Variants in TMEM87A observed in about 807,000 individuals in gnomAD.
TMEM87A encodes transmembrane protein 87A.
Under a neutral mutation model 90.0 loss-of-function variants are expected in TMEM87A, and 50 were observed. The observed-to-expected ratio is 0.56, with a 90% CI of 0.44 to 0.70. The LOEUF is 0.70. Ranked by LOEUF, TMEM87A falls within the 30% of genes least tolerant of loss-of-function variation. The probability of loss-of-function intolerance (pLI) is 0.00; values close to 1 mark genes in which losing one functional copy is unlikely to be tolerated. For missense variants in TMEM87A, 577 were observed against 660.5 expected, an observed-to-expected ratio of 0.87 and a Z score of 1.39; for synonymous variants, 226 against 226.7, an observed-to-expected ratio of 1.00 and a Z score of 0.03.
chr15:42,264,397 A>G (rs1055479384), intron 3 of TMEM87A, among the ~76,000 whole-genome samples, 194 bp from the exon 4 acceptor site: 1 of 152,222 alleles, frequency 6.6e-6, no homozygotes, highest in Admixed American at 6.5e-5. Context: ...AAGGACTATT[A>G]GACTCTAGTC....
At chr15:42,250,890 T>C (rs186879630) in intron 6 of TMEM87A, among the ~76,000 whole-genome samples, 6 of 152,342 alleles carry the variant, frequency 3.9e-5, no homozygotes, top group Non-Finnish European at 7.3e-5. Flanking sequence ...AGATGTAGAT[T>C]TGGCCTTTTC....
intron 2 of TMEM87A, among the ~76,000 whole-genome samples, chr15:42,270,802 C>T (rs1282615342): frequency 6.6e-6 from 1 of 152,144 alleles, no homozygotes; most frequent in Non-Finnish European, 1.5e-5. Flanking sequence ...AGTCACTGGT[C>T]AGGAGACTGA....
At chr15:42,252,242 C>G (rs539653402) in intron 6 of TMEM87A, among the ~76,000 whole-genome samples, 1 of 152,154 alleles carries the variant, frequency 6.6e-6, no homozygotes, top group South Asian at 2.1e-4. Flanking sequence ...GCTTGCCCTC[C>G]GTGGGCTGCA....
At chr15:42,272,626 G>A (rs975082638) in intron 1 of TMEM87A, 2 of 275,212 alleles carry the variant, frequency 7.3e-6, no homozygotes, top group Admixed American at 1.0e-4. Context: ...GTAAGGGGCA[G>A]AAAGGGTCAA....
rs1033234678 is a variant in TMEM87A, at chr15:42,237,618, G to A, written c.685-3C>T. On this transcript the variant is annotated splice_region_variant and splice_polypyrimidine_tract_variant and intron_variant, in intron 8 of 19. Coordinates refer to ENST00000389834, the MANE Select transcript of TMEM87A (RefSeq NM_015497.5). ...ACAATACACATCACCATGAAAAACT[G>A]TTATCAAATTGGGTAAAAGATAAAA... The A allele has an allele frequency of 1.9e-6, 3 of 1,560,796 alleles. No individual in the cohort carries two copies. The highest frequency in any genetic ancestry group is 2.6e-6 in the Non-Finnish European group (3 of 1,150,690).
At chr15:42,242,289 G>A (rs528919609) in intron 7 of TMEM87A, among the ~76,000 whole-genome samples, 12 of 152,120 alleles carry the variant, frequency 7.9e-5, no homozygotes, top group Middle Eastern at 3.4e-3. Flanking sequence ...AATGTACTAC[G>A]GTAGTACATG....
chr15:42,215,176 A>G (rs1278934768), intron 19 of TMEM87A, among the ~76,000 whole-genome samples: 2 of 152,202 alleles, frequency 1.3e-5, no homozygotes, highest in Admixed American at 6.5e-5. Context: ...GGGTATCTAA[A>G]GTTATCTAAA....
chr15:42,239,330 G>A (rs1052429120), intron 8 of TMEM87A, among the ~76,000 whole-genome samples: 1 of 152,038 alleles, frequency 6.6e-6, no homozygotes, highest in African/African-American at 2.4e-5. Context: ...CATGAGCCAG[G>A]GCACCCAGCC....
chr15:42,254,954 G>T (rs2051149600), intron 6 of TMEM87A, among the ~76,000 whole-genome samples: 1 of 136,146 alleles, frequency 7.3e-6, no homozygotes, highest in African/African-American at 2.6e-5. Context: ...CACAGCATGT[G>T]GGAGGTCTCC....
intron 7 of TMEM87A, 109 bp from the exon 8 acceptor site, chr15:42,239,840 CT>C: frequency 1.1e-6 from 1 of 892,826 alleles, no homozygotes; most frequent in Non-Finnish European, 1.9e-6. Context: ...GGGTCATTTA[CT>C]TTTAGGCACT....
At position 42,273,331 on chromosome 15, in the gene TMEM87A, G is replaced by A. The variant is rs778161696; in HGVS notation, c.68C>T (p.Pro23Leu). ...ILLLLGAHPSPLSFFSAGPAT... is the reference protein window; with the variant it reads ...ILLLLGAHPSLLSFFSAGPAT... The stretch of plus-strand genomic sequence containing the variant: ...CGGTCCCGCACTGAAAAACGACAGT[G>A]GTGACGGGTGAGCTCCCAGAAGCAG... The change falls in exon 1 of 20, where the codon CCA becomes CTA. Residue 23 changes from proline to leucine, a missense_variant. Physicochemically the swap from Pro to Leu is moderately conservative, Grantham distance 98. Coordinates refer to ENST00000389834, the MANE Select transcript of TMEM87A (RefSeq NM_015497.5). 6 of 1,614,052 alleles carry A rather than the reference G, an allele frequency of 3.7e-6. No individual in the cohort carries two copies. In the African/African-American group the frequency reaches 8.0e-5, roughly 22 times the overall value.
chr15:42,212,715 AGT>A (rs2050313174), intron 19 of TMEM87A, among the ~76,000 whole-genome samples: 1 of 152,170 alleles, frequency 6.6e-6, no homozygotes, highest in Non-Finnish European at 1.5e-5. Flanking sequence ...TCATAATGAT[AGT>A]TTAGTTGAGT....
At chr15:42,235,536 T>A (rs776393007) in intron 10 of TMEM87A, among the ~76,000 whole-genome samples, 1 of 152,192 alleles carries the variant, frequency 6.6e-6, no homozygotes, top group African/African-American at 2.4e-5. Flanking sequence ...ATCAAAACAA[T>A]TGGCATCATC....
intron 19 of TMEM87A, among the ~76,000 whole-genome samples, chr15:42,214,673 C>T (rs544764455): frequency 2.6e-5 from 4 of 152,282 alleles, no homozygotes; most frequent in South Asian, 2.1e-4. Flanking sequence ...CAAAAATCAA[C>T]TCAAAATAGA....
intron 7 of TMEM87A, among the ~76,000 whole-genome samples, chr15:42,243,259 T>G (rs1381619836): frequency 1.3e-5 from 2 of 148,228 alleles, no homozygotes; most frequent in East Asian, 2.0e-4. Flanking sequence ...CAGAGTGAGA[T>G]TCCATCTCAA....
chr15:42,246,283 C>T (rs1235517137), intron 6 of TMEM87A, among the ~76,000 whole-genome samples: 4 of 152,018 alleles, frequency 2.6e-5, no homozygotes, highest in Non-Finnish European at 5.9e-5. Flanking sequence ...TTTCTAAGTA[C>T]TGAGACCCAA....
intron 4 of TMEM87A, among the ~76,000 whole-genome samples, chr15:42,261,719 C>T (rs925653349): frequency 6.0e-5 from 9 of 150,896 alleles, no homozygotes; most frequent in Non-Finnish European, 7.4e-5. Flanking sequence ...CTGCAAGCTC[C>T]GCCTCCCAGG....
intron 11 of TMEM87A, chr15:42,231,787 A>C (rs1265134135): frequency 1.1e-6 from 1 of 884,686 alleles, no homozygotes; most frequent in African/African-American, 1.8e-5. Context: ...GTTTATATAG[A>C]GTATGTTTTT....
At chr15:42,223,675 A>C (rs182180658) in intron 15 of TMEM87A, among the ~76,000 whole-genome samples, 62 of 152,348 alleles carry the variant, frequency 4.1e-4, no homozygotes, top group Non-Finnish European at 3.7e-4. Context: ...CGAGCCAACA[A>C]ATTTCTGTTC....
Sources: gnomAD v4.1 joint callset for allele counts (sites outside exome capture counted in the v4.1 genomes callset) on GRCh38, gnomAD v4.1.1 for gene constraint, MANE v1.5 for transcripts, NCBI Gene and HGNC (gene_info 2026-07-23, HGNC 2026-07-21) for gene names.